Variants in ARHGEF33 observed in about 807,000 individuals in gnomAD.
ARHGEF33 encodes the protein DH and coiled-coil domain-containing protein ENSP00000381780.
Under a neutral mutation model 101.9 loss-of-function variants are expected in ARHGEF33, and 72 were observed. That is an observed-to-expected ratio of 0.71 (90% confidence interval 0.58 to 0.86). The LOEUF is 0.86. Ranked by LOEUF, ARHGEF33 falls within the 40% of genes least tolerant of loss-of-function variation. The pLI is 0.00. For synonymous variants in ARHGEF33, 499 were observed against 442.5 expected, an observed-to-expected ratio of 1.13 and a Z score of -1.60; for missense variants, 1,169 against 1,111.3, an observed-to-expected ratio of 1.05 and a Z score of -0.74.
intron 2 of ARHGEF33, among the ~76,000 whole-genome samples, chr2:38,907,592 C>T (rs1046469478): frequency 4.6e-5 from 7 of 152,196 alleles, no homozygotes; most frequent in African/African-American, 4.8e-5. Flanking sequence ...GCAGAAGGAA[C>T]ATTTCCTGAG....
chr2:38,917,564 T>C (rs1240208511), intron 2 of ARHGEF33, among the ~76,000 whole-genome samples: 1 of 151,894 alleles, frequency 6.6e-6, no homozygotes, highest in Non-Finnish European at 1.5e-5. Context: ...GCATAGTGGC[T>C]CATGACTGTA....
chr2:38,944,682 AG>A (rs1333070963), intron 10 of ARHGEF33, among the ~76,000 whole-genome samples: 1 of 152,164 alleles, frequency 6.6e-6, no homozygotes, highest in Non-Finnish European at 1.5e-5. Flanking sequence ...TGCTACAGTG[AG>A]GGAGGCGTTG....
At position 38,928,971 on chromosome 2, in the gene ARHGEF33, T is replaced by G; in HGVS notation, c.140T>G (p.Ile47Ser). The G allele has an allele frequency of 6.4e-7, 1 of 1,551,620 alleles. No homozygotes were observed. Among genetic ancestry groups the G allele is most frequent in the Non-Finnish European group, 8.7e-7 (1 of 1,146,878 alleles). The change falls in exon 5 of 18, where the codon ATT becomes AGT. Residue 47 changes from isoleucine (I) to serine (S), a missense_variant. Physicochemically the swap from Ile to Ser is moderately radical, Grantham distance 142. Transcript: ENST00000409978. ...GAAGCAATGCAAGAACTGTCAAGAA[T>G]TCAACATGGAGAATATGCTTTGGAA... The part of the protein sequence containing the change: ...FTEAMQELSR[I>S]QHGEYALEEK...
chr2:38,956,232 A>G (rs1014587936), intron 13 of ARHGEF33, among the ~76,000 whole-genome samples: 1 of 152,150 alleles, frequency 6.6e-6, no homozygotes, highest in African/African-American at 2.4e-5. Context: ...CTTGAGTTCA[A>G]ATCTTGCCTC....
chr2:38,929,543 G>C (rs1263300320), intron 5 of ARHGEF33, among the ~76,000 whole-genome samples, 166 bp from the exon 6 acceptor site: 1 of 151,992 alleles, frequency 6.6e-6, no homozygotes, highest in Non-Finnish European at 1.5e-5. Flanking sequence ...CTTTTTTGGA[G>C]CTCTGTGTTA....
intron 2 of ARHGEF33, among the ~76,000 whole-genome samples, chr2:38,906,617 A>G (rs1666397226): frequency 6.6e-6 from 1 of 151,898 alleles, no homozygotes; most frequent in African/African-American, 2.4e-5. Flanking sequence ...AAAAATGTTG[A>G]CTCTTTCCCA....
At chr2:38,962,849 C>CAAA (rs386389985) in intron 16 of ARHGEF33, among the ~76,000 whole-genome samples, 3,007 of 55,878 alleles carry the variant, frequency 0.054, 304 homozygotes, top group African/African-American at 0.09. Context: ...CCCGTCTCTA[C>CAAA]AAAAAAAAAA....
At chr2:38,972,142 C>G (rs1314965194) in intron 17 of ARHGEF33, among the ~76,000 whole-genome samples, 2 of 152,046 alleles carry the variant, frequency 1.3e-5, no homozygotes, top group African/African-American at 4.8e-5. Context: ...ACCTCCTGCC[C>G]CTAAAACATA....
chr2:38,902,919 G>T (rs994351761), intron 2 of ARHGEF33, among the ~76,000 whole-genome samples: 2 of 152,084 alleles, frequency 1.3e-5, no homozygotes, highest in African/African-American at 4.8e-5. Context: ...GTCAAAGAAG[G>T]CCTTTCTAAT....
In ARHGEF33 at chr2:38,972,395, T is replaced by C. The variant is rs75042973; in HGVS notation, c.2484-1319T>C. On this transcript the variant is annotated intron_variant, in intron 17 of 17. Coordinates refer to ENST00000409978, the MANE Select transcript of ARHGEF33 (RefSeq NM_001145451.5). ...AGAACCTCATCCCACCCAGATATCT[T>C]GCTTGATGAGTATCCAGATGTACTG... is the stretch of plus-strand genomic sequence containing the variant. Among the ~76,000 whole-genome samples, 810 of 152,186 alleles carry C rather than the reference T, an allele frequency of 5.3e-3. 7 individuals carry two copies. Among genetic ancestry groups the C allele is most frequent in the African/African-American group, 0.018 (758 of 41,512 alleles).
rs1045098136 is a variant in ARHGEF33 at position 38,895,792 on chromosome 2, CAAG to C, written c.-135_-133del. ...TTTTTTACAGAACTTCTAGAGAAAA[CAAG>C]AAGAAGACTTCAAAAAACATGCTGT... On this transcript the variant is annotated 5_prime_UTR_variant, in exon 2 of 18. Coordinates refer to ENST00000409978, the MANE Select transcript of ARHGEF33 (RefSeq NM_001145451.5). 3.4e-5 allele frequency: 5 copies of C among 145,644 alleles called. No homozygotes were observed. The highest frequency in any genetic ancestry group is 7.9e-5 in the African/African-American group (3 of 37,910). 9.0% of individuals were successfully genotyped at this position (145,644 alleles called of 1,614,324 possible).
chr2:38,929,829 A>C lies in ARHGEF33; in HGVS notation c.361A>C (p.Lys121Gln). The C allele has an allele frequency of 6.4e-7, 1 of 1,550,956 alleles. No homozygotes were observed. Residue 121 changes from lysine to glutamine, a missense_variant and splice_region_variant, in exon 6 of 18, where the codon AAG becomes CAG. Transcript: ENST00000409978. ...AAGAGAATCTCGAAAAGTTAAAGCC[A>C]AGTGAGTGTCTTTTAAAAATGTACC... Reference protein sequence around the residue: ...KRRESRKVKAKKTQKEEHSSQ... With the variant: ...KRRESRKVKAQKTQKEEHSSQ...
At chr2:38,956,876 A>G (rs1383454563) in intron 13 of ARHGEF33, 23 bp from the exon 14 acceptor site, 3 of 1,550,808 alleles carry the variant, frequency 1.9e-6, no homozygotes, top group Non-Finnish European at 2.6e-6. Context: ...ATGCAATGCT[A>G]CTTCCTTTTC....
At chr2:38,969,668 C>T (rs1668125251) in intron 17 of ARHGEF33, 1 of 157,164 alleles carries the variant, frequency 6.4e-6, no homozygotes, top group Admixed American at 6.5e-5. Context: ...TGGGCAGACA[C>T]AAGGTCACAT....
At chr2:38,924,310 C>T (rs1666822148) in intron 4 of ARHGEF33, among the ~76,000 whole-genome samples, 1 of 152,098 alleles carries the variant, frequency 6.6e-6, no homozygotes, top group Non-Finnish European at 1.5e-5. Flanking sequence ...AGTCTATTCC[C>T]TATTTCCTTT....
intron 10 of ARHGEF33, among the ~76,000 whole-genome samples, chr2:38,947,875 C>T (rs769533760): frequency 5.3e-5 from 8 of 152,178 alleles, no homozygotes; most frequent in Non-Finnish European, 1.0e-4. Context: ...TCCAGGGTGG[C>T]GGGAACCTGC....
chr2:38,969,194 G>T (rs773236005), intron 17 of ARHGEF33, among the ~76,000 whole-genome samples: 9 of 152,144 alleles, frequency 5.9e-5, no homozygotes, highest in Non-Finnish European at 1.0e-4. Context: ...TTCCTCCTGC[G>T]TGTCAGGAGG....
intron 10 of ARHGEF33, among the ~76,000 whole-genome samples, chr2:38,944,551 G>A (rs1667391994): frequency 6.6e-6 from 1 of 152,140 alleles, no homozygotes; most frequent in African/African-American, 2.4e-5. Flanking sequence ...TTAGATCATA[G>A]CAATAGGGAA....
intron 14 of ARHGEF33, among the ~76,000 whole-genome samples, chr2:38,957,709 T>C (rs1386312276): frequency 6.6e-6 from 1 of 152,180 alleles, no homozygotes; most frequent in African/African-American, 2.4e-5. Flanking sequence ...TCCCAACTCC[T>C]GTGGAGGAGA....
Sources: gnomAD v4.1 joint callset for allele counts (sites outside exome capture counted in the v4.1 genomes callset) on GRCh38, gnomAD v4.1.1 for gene constraint, MANE v1.5 for transcripts, NCBI Gene and HGNC (gene_info 2026-07-23, HGNC 2026-07-21) for gene names.